SFSWAP: variants seen among roughly 807,000 people sequenced by gnomAD.
SFSWAP encodes the protein splicing factor, suppressor of white-apricot homolog.
In SFSWAP, 17 loss-of-function variants were observed where a neutral mutation model predicts 100.7. The ratio of observed to expected loss-of-function variants is 0.17; its 90% CI spans 0.12 to 0.25. SFSWAP has a LOEUF of 0.25. Among genes scored for constraint, SFSWAP ranks in the 10% least tolerant of loss-of-function variants. The pLI is 1.00. For synonymous variants in SFSWAP, 504 were observed against 510.1 expected, an observed-to-expected ratio of 0.99 and a Z score of 0.16; for missense variants, 1,005 against 1,262.6, an observed-to-expected ratio of 0.80 and a Z score of 3.09.
At chr12:131,743,566 G>C (rs1880853966) in intron 7 of SFSWAP, among the ~76,000 whole-genome samples, 1 of 152,210 alleles carries the variant, frequency 6.6e-6, no homozygotes, top group African/African-American at 2.4e-5. Context: ...CCGCGCCTGT[G>C]GCTCTGCAGG....
intron 14 of SFSWAP, among the ~76,000 whole-genome samples, chr12:131,780,362 C>T (rs963994053): frequency 3.3e-5 from 5 of 152,336 alleles, no homozygotes; most frequent in East Asian, 1.9e-4. Context: ...AAAAATTTCT[C>T]ATTTGAGGCC....
chr12:131,764,866 T>C (rs1394454992), intron 12 of SFSWAP, among the ~76,000 whole-genome samples, 180 bp downstream of exon 12: 1 of 152,258 alleles, frequency 6.6e-6, no homozygotes, highest in African/African-American at 2.4e-5. Flanking sequence ...AGGAATGAGC[T>C]CTGCTCTTCA....
chr12:131,716,863 A>G (rs1206896578), intron 3 of SFSWAP, among the ~76,000 whole-genome samples: 1 of 152,184 alleles, frequency 6.6e-6, no homozygotes, highest in Non-Finnish European at 1.5e-5. Context: ...AGTTTGTTAT[A>G]ATTATTGAAT....
intron 13 of SFSWAP, among the ~76,000 whole-genome samples, chr12:131,774,773 G>A (rs994450212): frequency 1.3e-5 from 2 of 152,200 alleles, no homozygotes; most frequent in African/African-American, 4.8e-5. Context: ...GGATGATCGT[G>A]TTGTTGGAAT....
intron 14 of SFSWAP, among the ~76,000 whole-genome samples, chr12:131,780,327 C>T (rs1884398056): frequency 6.6e-6 from 1 of 152,138 alleles, no homozygotes; most frequent in African/African-American, 2.4e-5. Context: ...CTCCCAGGAA[C>T]TTGTATTGTA....
intron 13 of SFSWAP, among the ~76,000 whole-genome samples, chr12:131,775,414 CT>C (rs1883941385): frequency 1.3e-5 from 2 of 152,318 alleles, no homozygotes; most frequent in African/African-American, 4.8e-5. Flanking sequence ...CTTTCAGCCC[CT>C]GGGCCGGCTT....
At chr12:131,777,767 C>A (rs1295573645) in intron 13 of SFSWAP, among the ~76,000 whole-genome samples, 3 of 152,130 alleles carry the variant, frequency 2.0e-5, no homozygotes, top group Admixed American at 6.5e-5. Flanking sequence ...TTTTTCCCAG[C>A]GTAGCATCTC....
intron 3 of SFSWAP, among the ~76,000 whole-genome samples, chr12:131,715,571 C>A (rs994451809): frequency 1.3e-5 from 2 of 152,240 alleles, no homozygotes; most frequent in African/African-American, 2.4e-5. Flanking sequence ...AGTATAGACA[C>A]AAATATCCTC....
chr12:131,797,163 ACT>A lies in SFSWAP; in HGVS notation c.2535-12_2535-11del, dbSNP rs1566065647. The A allele has an allele frequency of 1.2e-6, 2 of 1,601,106 alleles. No homozygotes were observed. Among genetic ancestry groups the A allele is most frequent in the Admixed American group, 1.7e-5 (1 of 59,142 alleles). On this transcript the variant is annotated splice_polypyrimidine_tract_variant and intron_variant, in intron 15 of 17. Coordinates refer to ENST00000261674, the MANE Select transcript of SFSWAP (RefSeq NM_004592.4). ...AACCAAAGCTGCATCTCTCACAGAA[ACT>A]CTTGCCTTTCAGAAGTCCCCACGAG... is the stretch of plus-strand genomic sequence containing the variant.
Position 131,725,383 on chromosome 12 carries a change from GAA to G in SFSWAP, c.607-21_607-20del. On this transcript the variant is annotated intron_variant, in intron 4 of 17. Transcript: ENST00000261674. This position sits in a 1 kb window ranked among gnomAD's most constrained non-coding sequence, Gnocchi z 4.3. Reference sequence around the variant, plus strand: ...GGACAAGAGGACAAATGGGTGACGTGAATATGTGTGTTTTCCCGTAGCCACCA... The same window carrying G: ...GGACAAGAGGACAAATGGGTGACGTGTATGTGTGTTTTCCCGTAGCCACCA... The G allele has an allele frequency of 1.9e-6, 3 of 1,580,112 alleles. No homozygotes were observed. Among genetic ancestry groups the G allele is most frequent in the Non-Finnish European group, 2.6e-6 (3 of 1,156,610 alleles).
rs191763509 is a variant in SFSWAP at position 131,785,228 on chromosome 12, G to A, written c.2409-1235G>A. On this transcript the variant is annotated intron_variant, in intron 14 of 17. Coordinates refer to ENST00000261674, the MANE Select transcript of SFSWAP (RefSeq NM_004592.4). ...GAGGGAAAACCTGGTAAAACGTCAA[G>A]GTGTCTAACTGACCTCGCCTTTATC... is the stretch of plus-strand genomic sequence containing the variant. 1.4e-3 allele frequency: 2,116 copies of A among 1,533,844 alleles called. 3 individuals are homozygous for A. The highest frequency in any genetic ancestry group is 1.7e-3 in the Non-Finnish European group (2,004 of 1,146,206).
intron 9 of SFSWAP, among the ~76,000 whole-genome samples, chr12:131,754,994 T>G (rs897604633): frequency 2.0e-5 from 3 of 152,118 alleles, no homozygotes; most frequent in African/African-American, 7.2e-5. Context: ...TTGGGTGGTG[T>G]TTTTAAATTA....
intron 8 of SFSWAP, 76 bp downstream of exon 8, chr12:131,753,439 T>TGGGGGGCTTGTAATCTAGATCATATACA (rs1881858120): frequency 2.0e-6 from 3 of 1,503,482 alleles, no homozygotes; most frequent in Non-Finnish European, 8.9e-7. Flanking sequence ...TGTGTCTCCA[T>TGGGGGGCTTGTAATCTAGATCATATACA]GGGGGGCTTG....
intron 7 of SFSWAP, among the ~76,000 whole-genome samples, chr12:131,741,419 T>C (rs1459490648): frequency 6.6e-6 from 1 of 152,086 alleles, no homozygotes; most frequent in East Asian, 1.9e-4. Flanking sequence ...GTGGATCTCT[T>C]GAGCTCAGGA....
At chr12:131,761,833 G>A (rs1017888963) in intron 11 of SFSWAP, among the ~76,000 whole-genome samples, 8 of 152,214 alleles carry the variant, frequency 5.3e-5, no homozygotes, top group Admixed American at 2.6e-4. Context: ...TTTCCCATCT[G>A]TAAAATGGGA....
rs180828256 is a variant in SFSWAP, at chr12:131,781,478, C to A, written c.2408+3148C>A. The stretch of plus-strand genomic sequence containing the variant: ...GGTCTCGATCTCCTGACCTCATGAT[C>A]CACCCGCCTCGGCCTCCCAAAGTGC... On this transcript the variant is annotated intron_variant, in intron 14 of 17. Coordinates refer to ENST00000261674, the MANE Select transcript of SFSWAP (RefSeq NM_004592.4). Among the ~76,000 whole-genome samples, 1,115 of 152,046 alleles carry A rather than the reference C, an allele frequency of 7.3e-3. 46 individuals are homozygous for A. Among genetic ancestry groups the A allele is most frequent in the East Asian group, 2.1e-3 (11 of 5,180 alleles).
At chr12:131,792,049 C>CTG (rs1009331578) in intron 15 of SFSWAP, among the ~76,000 whole-genome samples, 5 of 149,574 alleles carry the variant, frequency 3.3e-5, no homozygotes, top group African/African-American at 1.3e-4. Context: ...CGGATCAGTA[C>CTG]TGTGTGTGTG....
intron 7 of SFSWAP, among the ~76,000 whole-genome samples, chr12:131,749,669 T>C (rs1207686902): frequency 6.6e-6 from 1 of 152,200 alleles, no homozygotes. Flanking sequence ...ATTTTAGCAC[T>C]GAGGCATTTT....
Position 131,766,118 on chromosome 12 carries a change from C to G in SFSWAP, c.1952C>G (p.Ala651Gly), listed in dbSNP as rs2136239032. The G allele has an allele frequency of 6.2e-7, 1 of 1,606,532 alleles. No individual in the cohort carries two copies. The highest frequency in any genetic ancestry group is 8.5e-7 in the Non-Finnish European group (1 of 1,177,624). The change falls in exon 13 of 18, where the codon GCA becomes GGA. Residue 651 changes from alanine to glycine, a missense_variant and splice_region_variant. By Grantham distance (60) the Ala-to-Gly change is moderately conservative. Transcript: ENST00000261674. ...CTTTTTTCTTTGTTTATTCCTTAAG[C>G]AAAGCAAAAGCTGGAAGATCGCCTC... is the stretch of plus-strand genomic sequence containing the variant. ...LTQEELEAKQ[A>G]KQKLEDRLAA...
Sources: gnomAD v4.1 joint callset for allele counts (sites outside exome capture counted in the v4.1 genomes callset) on GRCh38, gnomAD v4.1.1 for gene constraint, Gnocchi (gnomAD v3.1) non-coding constraint, MANE v1.5 for transcripts, NCBI Gene and HGNC (gene_info 2026-07-23, HGNC 2026-07-21) for gene names.